The following MIPOL1 variants were observed in gnomAD, a reference collection of about 807,000 sequenced individuals.
MIPOL1 encodes mirror-image polydactyly gene 1 protein.
MIPOL1 carries 57 observed loss-of-function variants against 60.9 expected under a neutral mutation model. The ratio of observed to expected loss-of-function variants is 0.94; its 90% confidence interval spans 0.76 to 1.17. The LOEUF is 1.17. Ranked by LOEUF, MIPOL1 falls within the 50% of genes most tolerant of loss-of-function variation. The pLI is 0.00. For missense variants in MIPOL1, 551 were observed against 511.6 expected, an observed-to-expected ratio of 1.08 and a Z score of -0.74; for synonymous variants, 179 against 168.8, an observed-to-expected ratio of 1.06 and a Z score of -0.47.
At chr14:37,286,750 C>T (rs1295608813) in intron 7 of MIPOL1, among the ~76,000 whole-genome samples, 2 of 151,548 alleles carry the variant, frequency 1.3e-5, no homozygotes, top group Admixed American at 1.3e-4. Context: ...GCTCATTATA[C>T]AGCATTAAAC....
At chr14:37,274,467 T>C (rs930118244) in intron 6 of MIPOL1, among the ~76,000 whole-genome samples, 3 of 151,500 alleles carry the variant, frequency 2.0e-5, no homozygotes, top group Non-Finnish European at 4.4e-5. Context: ...GGAACTATGC[T>C]TACTTCTTTA....
chr14:37,539,693 A>G (rs973282902), intron 12 of MIPOL1, among the ~76,000 whole-genome samples: 1 of 152,200 alleles, frequency 6.6e-6, no homozygotes, highest in Non-Finnish European at 1.5e-5. Flanking sequence ...ACAACACCTC[A>G]TAAAGGAAAT....
In MIPOL1 at chr14:37,235,004, G is replaced by A. The variant is rs531088075; in HGVS notation, c.-198-12099G>A. Among the ~76,000 whole-genome samples the A allele has an allele frequency of 2.0e-3, 295 of 149,678 alleles. 1 individual carries two copies. The highest frequency in any genetic ancestry group is 7.1e-3 in the African/African-American group (289 of 40,546). ...GACAGGGTTTCACCGTGTTAGCCAGGATGGTCTTGATCTCCTGACCTTGTG... is the reference window on the plus strand; with the variant it reads ...GACAGGGTTTCACCGTGTTAGCCAGAATGGTCTTGATCTCCTGACCTTGTG... On this transcript the variant is annotated intron_variant, in intron 1 of 12. Transcript: ENST00000684589.
chr14:37,462,923 A>T (rs575907114), intron 11 of MIPOL1, among the ~76,000 whole-genome samples: 1 of 152,232 alleles, frequency 6.6e-6, no homozygotes, highest in South Asian at 2.1e-4. Context: ...TGAGCCCTCC[A>T]AACTGTTCCA....
intron 11 of MIPOL1, among the ~76,000 whole-genome samples, chr14:37,499,322 T>C (rs2095180010): frequency 6.6e-6 from 1 of 152,162 alleles, no homozygotes; most frequent in African/African-American, 2.4e-5. Context: ...CGTTAAGAGA[T>C]TCATTAGCCA....
At chr14:37,500,945 A>C (rs576564493) in intron 12 of MIPOL1, among the ~76,000 whole-genome samples, 1 of 152,274 alleles carries the variant, frequency 6.6e-6, no homozygotes, top group Admixed American at 6.5e-5. Flanking sequence ...CTTTTTCCTT[A>C]ACAATTTTTA....
intron 10 of MIPOL1, chr14:37,385,413 G>T (rs574940525): frequency 6.6e-6 from 1 of 151,996 alleles, no homozygotes; most frequent in Non-Finnish European, 1.5e-5. Context: ...GGAAAGAGGC[G>T]TTGCCACATC....
intron 7 of MIPOL1, among the ~76,000 whole-genome samples, chr14:37,287,303 G>A (rs1020008005): frequency 6.6e-6 from 1 of 152,094 alleles, no homozygotes; most frequent in Non-Finnish European, 1.5e-5. Flanking sequence ...CTGGAGTGCA[G>A]TGGTGCAATC....
intron 10 of MIPOL1, among the ~76,000 whole-genome samples, chr14:37,403,072 C>T (rs1267313311): frequency 6.6e-6 from 1 of 152,186 alleles, no homozygotes; most frequent in Non-Finnish European, 1.5e-5. Flanking sequence ...AGGAGGGCTT[C>T]CCAATATCAG....
intron 11 of MIPOL1, among the ~76,000 whole-genome samples, chr14:37,456,060 C>T (rs1263825976): frequency 1.3e-5 from 2 of 151,508 alleles, no homozygotes; most frequent in Non-Finnish European, 2.9e-5. Flanking sequence ...TTGTAGAATC[C>T]TTGGTCTTAT....
intron 11 of MIPOL1, among the ~76,000 whole-genome samples, chr14:37,458,862 TAAA>T (rs976531136): frequency 1.3e-5 from 2 of 150,672 alleles, no homozygotes; most frequent in African/African-American, 4.9e-5. Context: ...AATAAATAAA[TAAA>T]TAAATAAATA....
At chr14:37,269,685 T>C (rs1594823955) in intron 5 of MIPOL1, among the ~76,000 whole-genome samples, 1 of 152,334 alleles carries the variant, frequency 6.6e-6, no homozygotes, top group East Asian at 1.9e-4. Context: ...TTAAGATTAT[T>C]GTCTTAATTT....
intron 11 of MIPOL1, chr14:37,423,701 G>A (rs543504862): frequency 6.6e-6 from 1 of 152,154 alleles, no homozygotes; most frequent in South Asian, 2.1e-4. Flanking sequence ...TTCACTAAGG[G>A]TGCTGTTAAG....
At chr14:37,384,824 T>C (rs2093022774) in intron 10 of MIPOL1, among the ~76,000 whole-genome samples, 1 of 152,032 alleles carries the variant, frequency 6.6e-6, no homozygotes, top group South Asian at 2.1e-4. Flanking sequence ...TTTTATACAA[T>C]TATAAGTAAT....
In MIPOL1 at chr14:37,369,605, A is replaced by G. The variant is rs749772798; in HGVS notation, c.917A>G (p.Asn306Ser). The G allele has an allele frequency of 3.7e-6, 6 of 1,612,832 alleles. No homozygotes were observed. In the Admixed American group the frequency reaches 6.7e-5, roughly 18 times the overall value. The part of the protein sequence containing the change: ...NNMRHLTAEN[N>S]QERALKAKLL... ...ATGAGACATCTGACTGCTGAAAACAATCAAGAACGTGCTCTGAAGGTAAAT... is the reference window on the plus strand; with the variant it reads ...ATGAGACATCTGACTGCTGAAAACAGTCAAGAACGTGCTCTGAAGGTAAAT... The change falls in exon 10 of 13, where the codon AAT (asparagine) becomes AGT (serine). Residue 306 changes from asparagine (N) to serine (S), a missense_variant. By Grantham distance (46) the Asn-to-Ser change is conservative. Coordinates refer to ENST00000684589, the MANE Select transcript of MIPOL1 (RefSeq NM_001388067.1).
intron 11 of MIPOL1, among the ~76,000 whole-genome samples, chr14:37,449,751 C>T (rs933964424): frequency 4.6e-5 from 7 of 151,844 alleles, no homozygotes; most frequent in African/African-American, 1.5e-4. Context: ...TTTCTTGTAC[C>T]GATTTTGTTT....
chr14:37,254,111 C>A (rs972747425), intron 3 of MIPOL1, among the ~76,000 whole-genome samples: 1 of 151,704 alleles, frequency 6.6e-6, no homozygotes, highest in Non-Finnish European at 1.5e-5. Context: ...GGCAGCTGGC[C>A]AGCAAGGATT....
At chr14:37,505,440 C>A (rs575685114) in intron 12 of MIPOL1, 1 of 152,290 alleles carries the variant, frequency 6.6e-6, no homozygotes, top group East Asian at 1.9e-4. Flanking sequence ...GGATGCAAGC[C>A]TGGTTCAACA....
At chr14:37,530,887 G>A (rs557337785) in intron 12 of MIPOL1, among the ~76,000 whole-genome samples, 2 of 151,420 alleles carry the variant, frequency 1.3e-5, no homozygotes, top group East Asian at 1.9e-4. Context: ...GCATGATCCC[G>A]GCTCACTGCA....
Sources: gnomAD v4.1 joint callset for allele counts (sites outside exome capture counted in the v4.1 genomes callset) on GRCh38, gnomAD v4.1.1 for gene constraint, MANE v1.5 for transcripts, NCBI Gene and HGNC (gene_info 2026-07-23, HGNC 2026-07-21) for gene names.